Variants in GRM7 observed in about 807,000 individuals in gnomAD.
GRM7 encodes the protein metabotropic glutamate receptor 7.
Under a neutral mutation model 84.5 loss-of-function variants are expected in GRM7, and 35 were observed. The ratio of observed to expected loss-of-function variants is 0.41; its 90% CI spans 0.32 to 0.55. GRM7 has a LOEUF of 0.55. Ranked by LOEUF, GRM7 falls within the 20% of genes least tolerant of loss-of-function variation. The pLI is 0.19. For synonymous variants in GRM7, 487 were observed against 455.1 expected (o/e 1.07, Z -0.89); for missense variants, 1,003 against 1,194.6 (o/e 0.84, Z 2.36).
At chr3:7,339,263 CA>C (rs1351027943) in intron 4 of GRM7, among the ~76,000 whole-genome samples, 6 of 152,036 alleles carry the variant, frequency 3.9e-5, no homozygotes, top group Non-Finnish European at 7.4e-5. Flanking sequence ...GATTGGAAAG[CA>C]ATCAAAAAAA....
rs1054319591 is a variant in GRM7 at position 7,615,959 on chromosome 3, AAC to A, written c.2451+36612_2451+36613del. Among the ~76,000 whole-genome samples, 31 of 152,042 alleles carry A rather than the reference AAC, an allele frequency of 2.0e-4. 1 individual carries two copies. Among genetic ancestry groups the A allele is most frequent in the Middle Eastern group, 3.4e-3 (1 of 290 alleles). On this transcript the variant is annotated intron_variant, in intron 8 of 9. Transcript: ENST00000357716. ...TACTTATAAGTGTATTACATATATA[AAC>A]ACACACACATATATAGTAGATAAGT...
chr3:7,682,752 T>A (rs546564766), intron 9 of GRM7, among the ~76,000 whole-genome samples: 1 of 152,320 alleles, frequency 6.6e-6, no homozygotes, highest in East Asian at 1.9e-4. Context: ...GGTGCAATCC[T>A]TGTTGAGGCT....
intron 1 of GRM7, among the ~76,000 whole-genome samples, chr3:6,904,212 ATTTG>A (rs1217499240): frequency 1.3e-5 from 2 of 152,062 alleles, no homozygotes; most frequent in Non-Finnish European, 2.9e-5. Context: ...TCACAAAGAT[ATTTG>A]TTTGTAGTTT....
intron 4 of GRM7, among the ~76,000 whole-genome samples, chr3:7,308,992 G>A (rs1700295869): frequency 6.6e-6 from 1 of 152,160 alleles, no homozygotes. Context: ...AGATTCCAAA[G>A]AATGAAATTG....
At chr3:7,596,839 G>A (rs1005835277) in intron 8 of GRM7, among the ~76,000 whole-genome samples, 4 of 152,138 alleles carry the variant, frequency 2.6e-5, no homozygotes, top group African/African-American at 4.8e-5. Flanking sequence ...ATGCACAGCT[G>A]TGAGGACCCA....
chr3:7,242,333 C>T (rs567609169), intron 2 of GRM7, among the ~76,000 whole-genome samples: 1 of 152,216 alleles, frequency 6.6e-6, no homozygotes, highest in South Asian at 2.1e-4. Context: ...CAAAATAACC[C>T]ATTTGGTTCA....
chr3:7,491,412 G>GTATATATA lies in GRM7; in HGVS notation c.1515+29703_1515+29710dup, dbSNP rs59392949. On this transcript the variant is annotated intron_variant, in intron 7 of 9. Transcript: ENST00000357716. ...AATATTAAGGAAAATGATTTAGATG[G>GTATATATA]TATATATATATATATATATAGTGAG... Among the ~76,000 whole-genome samples the GTATATATA allele has an allele frequency of 1.4e-3, 212 of 149,864 alleles. 1 individual carries two copies. The highest frequency in any genetic ancestry group is 6.9e-3 in the Middle Eastern group (2 of 290).
chr3:7,122,865 A>C (rs1379262428), intron 1 of GRM7, among the ~76,000 whole-genome samples: 1 of 152,206 alleles, frequency 6.6e-6, no homozygotes, highest in Non-Finnish European at 1.5e-5. Flanking sequence ...AGCAACTAAT[A>C]AGCTCTTAAC....
intron 2 of GRM7, among the ~76,000 whole-genome samples, chr3:7,165,775 T>C (rs1694780577): frequency 6.6e-6 from 1 of 152,216 alleles, no homozygotes; most frequent in Admixed American, 6.5e-5. Flanking sequence ...AAAGCTCTAT[T>C]TACATGTTTA....
chr3:7,532,873 GAT>G (rs1491472149), intron 7 of GRM7, among the ~76,000 whole-genome samples: 3 of 80,350 alleles, frequency 3.7e-5, no homozygotes, highest in African/African-American at 1.0e-4. Context: ...AACCAACAAA[GAT>G]AAAAAAAAAA....
At chr3:7,018,618 C>T (rs1695660640) in intron 1 of GRM7, among the ~76,000 whole-genome samples, 1 of 152,308 alleles carries the variant, frequency 6.6e-6, no homozygotes, top group Admixed American at 6.5e-5. Flanking sequence ...GGAAGTGGTG[C>T]AGCCCCAAAG....
intron 1 of GRM7, among the ~76,000 whole-genome samples, chr3:6,920,150 C>T (rs1380467930): frequency 1.3e-5 from 2 of 152,052 alleles, no homozygotes; most frequent in Admixed American, 1.3e-4. Context: ...ATTTATTTCA[C>T]CTTAAATGCA....
intron 1 of GRM7, among the ~76,000 whole-genome samples, chr3:7,019,029 G>A (rs1051761694): frequency 2.6e-5 from 4 of 152,158 alleles, no homozygotes; most frequent in South Asian, 4.1e-4. Flanking sequence ...CCCGGGAAGC[G>A]GAAGTTGCAG....
chr3:7,542,677 A>T (rs1033732829), intron 7 of GRM7, among the ~76,000 whole-genome samples: 1 of 151,610 alleles, frequency 6.6e-6, no homozygotes, highest in Admixed American at 6.6e-5. Context: ...CCTCCCAAAT[A>T]GCTGGGACTA....
intron 3 of GRM7, among the ~76,000 whole-genome samples, chr3:7,301,449 T>C (rs1699998498): frequency 6.6e-6 from 1 of 152,204 alleles, no homozygotes; most frequent in Non-Finnish European, 1.5e-5. Flanking sequence ...ACACCCATTT[T>C]ACACTTTTGC....
intron 7 of GRM7, among the ~76,000 whole-genome samples, chr3:7,571,333 A>C (rs1694644550): frequency 6.6e-6 from 1 of 152,080 alleles, no homozygotes; most frequent in South Asian, 2.1e-4. Context: ...TTCCTTATAA[A>C]ACTGAATGCC....
At chr3:7,014,815 A>T (rs1246136481) in intron 1 of GRM7, among the ~76,000 whole-genome samples, 3 of 152,178 alleles carry the variant, frequency 2.0e-5, no homozygotes, top group Non-Finnish European at 2.9e-5. Context: ...TGAGAGGTGA[A>T]GCCAGCTGGA....
chr3:7,332,872 T>G (rs1009041171), intron 4 of GRM7, among the ~76,000 whole-genome samples: 1 of 152,108 alleles, frequency 6.6e-6, no homozygotes, highest in African/African-American at 2.4e-5. Context: ...GATGGTTTTT[T>G]CTACCAGCCC....
chr3:7,027,054 C>T (rs1048500474), intron 1 of GRM7, among the ~76,000 whole-genome samples: 4 of 152,100 alleles, frequency 2.6e-5, no homozygotes, highest in African/African-American at 9.6e-5. Flanking sequence ...GCTCACATAG[C>T]TTTAAAGGGT....
Sources: allele counts gnomAD v4.1 joint callset (sites outside exome capture counted in the v4.1 genomes callset), GRCh38; gene constraint gnomAD v4.1.1; transcripts MANE v1.5; gene names NCBI Gene and HGNC (gene_info 2026-07-23, HGNC 2026-07-21).